GULP1: variants seen among roughly 807,000 people sequenced by gnomAD.
GULP1 encodes PTB domain-containing engulfment adapter protein 1.
In GULP1, 19 loss-of-function variants were observed where a neutral mutation model predicts 40.9. The ratio of observed to expected loss-of-function variants is 0.46; its 90% CI spans 0.32 to 0.68. GULP1 has a LOEUF of 0.68. Among genes scored for constraint, GULP1 ranks in the 30% least tolerant of loss-of-function variants. The probability of loss-of-function intolerance (pLI) is 0.03; values close to 1 mark genes in which losing one functional copy is unlikely to be tolerated. For synonymous variants in GULP1, 119 were observed against 117.6 expected, an observed-to-expected ratio of 1.01 and a Z score of -0.08; for missense variants, 312 against 362.2, an observed-to-expected ratio of 0.86 and a Z score of 1.12.
chr2:188,585,589 C>T (rs929220304), intron 10 of GULP1, among the ~76,000 whole-genome samples: 39 of 152,206 alleles, frequency 2.6e-4, no homozygotes, highest in Non-Finnish European at 2.5e-4. Flanking sequence ...AGGGCTTTTA[C>T]CCCATGAAGC....
chr2:188,547,142 A>G (rs1457081349), intron 7 of GULP1, among the ~76,000 whole-genome samples: 1 of 151,924 alleles, frequency 6.6e-6, no homozygotes, highest in South Asian at 2.1e-4. Context: ...ATGCTATTCT[A>G]TACAATCCAT....
At chr2:188,370,760 T>A (rs2047493361) in intron 1 of GULP1, among the ~76,000 whole-genome samples, 1 of 152,222 alleles carries the variant, frequency 6.6e-6, no homozygotes, top group East Asian at 1.9e-4. Context: ...ATTACACATG[T>A]AACATTGGCC....
rs927368207 is a variant in GULP1, at chr2:188,344,054, C to T, written c.-171-39709C>T. On this transcript the variant is annotated intron_variant, in intron 1 of 11. Transcript: ENST00000409830. ...GAACTCCCGACCTCAAGTGAGCCCC[C>T]GCCTCAGCCTCCCAAAGTGCTAGGA... Among the ~76,000 whole-genome samples, 9 of 152,242 alleles carry T rather than the reference C, an allele frequency of 5.9e-5. No individual in the cohort carries two copies. In the Middle Eastern group the frequency reaches 0.01, roughly 173 times the overall value.
intron 1 of GULP1, among the ~76,000 whole-genome samples, chr2:188,353,452 T>G (rs2044790160): frequency 6.6e-6 from 1 of 152,160 alleles, no homozygotes; most frequent in Non-Finnish European, 1.5e-5. Flanking sequence ...GAGAAATCAT[T>G]GCTGTGTGCT....
intron 2 of GULP1, among the ~76,000 whole-genome samples, chr2:188,401,294 G>C (rs2052254812): frequency 6.6e-6 from 1 of 152,068 alleles, no homozygotes; most frequent in Admixed American, 6.6e-5. Flanking sequence ...CTAGGACACA[G>C]CTGTATCTAT....
intron 7 of GULP1, among the ~76,000 whole-genome samples, chr2:188,547,741 G>C (rs191882550): frequency 6.6e-6 from 1 of 152,172 alleles, no homozygotes; most frequent in East Asian, 1.9e-4. Context: ...CAATAAAGTT[G>C]ACGCTCAGTA....
chr2:188,416,480 C>G (rs1263864502), intron 2 of GULP1, among the ~76,000 whole-genome samples: 1 of 152,154 alleles, frequency 6.6e-6, no homozygotes, highest in African/African-American at 2.4e-5. Flanking sequence ...AGCCAGCAGC[C>G]TATTCTCATC....
At chr2:188,545,866 C>T (rs1214881364) in intron 7 of GULP1, among the ~76,000 whole-genome samples, 1 of 151,698 alleles carries the variant, frequency 6.6e-6, no homozygotes, top group Non-Finnish European at 1.5e-5. Flanking sequence ...GTGATATAGG[C>T]AGGCTAAAAA....
chr2:188,403,810 CACAGCAGAGGAGCAA>C, intron 2 of GULP1, among the ~76,000 whole-genome samples: 1 of 152,232 alleles, frequency 6.6e-6, no homozygotes, highest in South Asian at 2.1e-4. Context: ...TAAGTTGGGA[CACAGCAGAGGAGCAA>C]TCAAGTATTC....
chr2:188,545,096 A>G (rs953535634), intron 7 of GULP1, among the ~76,000 whole-genome samples: 12 of 152,026 alleles, frequency 7.9e-5, no homozygotes, highest in African/African-American at 2.7e-4. Context: ...TGAGTAATGG[A>G]AAAAACAAAA....
chr2:188,587,926 C>G lies in GULP1; in HGVS notation c.820C>G (p.Gln274Glu), dbSNP rs1160801254. ...CGAADFPPDI[Q>E]SKLDEMQEGF... ...AGCAGCAGATTTCCCTCCAGATATT[C>G]AATCAAAATTAGATGAGATGCAGGT... The change falls in exon 11 of 12, where the codon CAA becomes GAA. Residue 274 changes from glutamine to glutamate, a missense_variant. Gln to Glu is a conservative substitution (Grantham distance 29). Coordinates refer to ENST00000409830, the MANE Select transcript of GULP1 (RefSeq NM_016315.4). The G allele has an allele frequency of 1.0e-5, 16 of 1,597,676 alleles. No individual in the cohort carries two copies. Among genetic ancestry groups the G allele is most frequent in the Non-Finnish European group, 1.4e-5 (16 of 1,165,208 alleles).
chr2:188,305,460 T>G (rs1391739730), intron 1 of GULP1, among the ~76,000 whole-genome samples: 1 of 152,192 alleles, frequency 6.6e-6, no homozygotes, highest in Non-Finnish European at 1.5e-5. Context: ...CTGTGTAGCA[T>G]TCCTTCCTTT....
intron 7 of GULP1, among the ~76,000 whole-genome samples, chr2:188,568,004 C>G (rs534911355): frequency 6.6e-6 from 1 of 151,956 alleles, no homozygotes; most frequent in Non-Finnish European, 1.5e-5. Context: ...TATTATAGCT[C>G]GTTGTTTACT....
At chr2:188,476,303 G>A (rs2061002439) in intron 2 of GULP1, among the ~76,000 whole-genome samples, 1 of 152,104 alleles carries the variant, frequency 6.6e-6, no homozygotes, top group South Asian at 2.1e-4. Flanking sequence ...GTGGAATGGG[G>A]GAAGCTATTT....
chr2:188,433,216 C>A (rs2057070411), intron 2 of GULP1, among the ~76,000 whole-genome samples: 1 of 152,226 alleles, frequency 6.6e-6, no homozygotes, highest in Admixed American at 6.5e-5. Context: ...TGCCATAAAA[C>A]TGACTGGGTT....
chr2:188,361,159 C>T (rs564377432), intron 1 of GULP1, among the ~76,000 whole-genome samples: 12 of 152,006 alleles, frequency 7.9e-5, no homozygotes, highest in African/African-American at 2.2e-4. Flanking sequence ...GATAGAGAGT[C>T]GCTGTCATTG....
At chr2:188,552,899 TTATC>T (rs1008854769) in intron 7 of GULP1, among the ~76,000 whole-genome samples, 27 of 150,380 alleles carry the variant, frequency 1.8e-4, no homozygotes, top group African/African-American at 6.6e-4. Context: ...ATATATGTGT[TTATC>T]TCTCTCTATA....
In GULP1 at chr2:188,573,505, T is replaced by A. The variant is rs1246126300; in HGVS notation, c.609+3385T>A. 2.0e-5 allele frequency among the ~76,000 whole-genome samples: 3 copies of A among 152,236 alleles called. No homozygotes were observed. In the South Asian group the frequency reaches 6.2e-4, roughly 31 times the overall value. ...TCTGTTAAGTTAGAAATGTTTTACA[T>A]CTGTTCTTTCTTATGAAATTTGAAC... On this transcript the variant is annotated intron_variant, in intron 9 of 11. Transcript: ENST00000409830.
intron 6 of GULP1, among the ~76,000 whole-genome samples, chr2:188,533,706 G>A (rs1043272509): frequency 6.6e-6 from 1 of 152,100 alleles, no homozygotes; most frequent in Non-Finnish European, 1.5e-5. Flanking sequence ...TACAGAATGG[G>A]ATAAAGTATT....
Sources: allele counts gnomAD v4.1 joint callset (sites outside exome capture counted in the v4.1 genomes callset), GRCh38; gene constraint gnomAD v4.1.1; transcripts MANE v1.5; gene names NCBI Gene and HGNC (gene_info 2026-07-23, HGNC 2026-07-21).